CTPS1: variants seen among roughly 807,000 people sequenced by gnomAD.
CTPS1 encodes the protein CTP synthase 1.
In CTPS1, 25 loss-of-function variants were observed where a neutral mutation model predicts 80.5. That is an observed-to-expected ratio of 0.31 (90% CI 0.23 to 0.43). The LOEUF (loss-of-function observed/expected upper bound fraction) is 0.43, where lower values mean the gene tolerates loss of function less well. Ranked by LOEUF, CTPS1 falls within the 20% of genes least tolerant of loss-of-function variation. The probability of loss-of-function intolerance (pLI) is 1.00; values close to 1 mark genes in which losing one functional copy is unlikely to be tolerated. For missense variants in CTPS1, 442 were observed against 725.7 expected (o/e 0.61, Z 4.49); for synonymous variants, 267 against 252.5 (o/e 1.06, Z -0.54).
chr1:40,988,653 C>G lies in CTPS1; in HGVS notation c.498C>G (p.Phe166Leu). The G allele has an allele frequency of 6.2e-7, 1 of 1,614,096 alleles. No homozygotes were observed. The highest frequency in any genetic ancestry group is 8.5e-7 in the Non-Finnish European group (1 of 1,180,002). The part of the protein sequence containing the change: ...SMPFIEAFRQ[F>L]QFKVKRENFC... ...CCTTTATTGAGGCCTTCCGTCAGTTCCAATTCAAGGTCAAAAGAGAGAACT... is the reference window on the plus strand; with the variant it reads ...CCTTTATTGAGGCCTTCCGTCAGTTGCAATTCAAGGTCAAAAGAGAGAACT... The change falls in exon 5 of 19, where the codon TTC (phenylalanine) becomes TTG (leucine). Residue 166 changes from phenylalanine (F) to leucine (L), a missense_variant. This residue lies in a region of CTPS1 where 27 missense variants were observed against 83.6 expected (regional missense o/e 0.32). Transcript: ENST00000650070.
In CTPS1 at chr1:40,991,251, A is replaced by G. The variant is rs755056680; in HGVS notation, c.639+3A>G. The G allele has an allele frequency of 6.3e-7, 1 of 1,578,828 alleles. No homozygotes were observed. Among genetic ancestry groups the G allele is most frequent in the South Asian group, 1.2e-5 (1 of 84,330 alleles). On this transcript the variant is annotated splice_donor_region_variant and intron_variant, in intron 6 of 18. Transcript: ENST00000650070. ...GACTTGGGCTTTCCCCAGATCTGGT[A>G]AGATTTCCTGATAGCTGGTTGCAGT...
Position 40,987,486 on chromosome 1 carries a change from C to T in CTPS1, c.438+14C>T, listed in dbSNP as rs764010545. 3.8e-6 allele frequency: 6 copies of T among 1,560,772 alleles called. No individual in the cohort carries two copies. The South Asian group carries it at 6.7e-5, about 17-fold the overall frequency. ...TGTGTTATTGAGGTTTGTATGATTC[C>T]TGCACATGTGAACAAGTGTACTCAT... On this transcript the variant is annotated intron_variant, in intron 4 of 18. Coordinates refer to ENST00000650070, the MANE Select transcript of CTPS1 (RefSeq NM_001905.4).
intron 8 of CTPS1, among the ~76,000 whole-genome samples, chr1:40,996,798 T>C (rs1010188873): frequency 6.6e-6 from 1 of 152,250 alleles, no homozygotes; most frequent in East Asian, 1.9e-4. Context: ...TGCTCTGTTA[T>C]TATATTTTAC....
chr1:40,984,796 T>A (rs1231170652), intron 2 of CTPS1, 25 bp from the exon 3 acceptor site: 1 of 1,476,578 alleles, frequency 6.8e-7, no homozygotes, highest in Admixed American at 2.2e-5. Context: ...TCACTTAACG[T>A]AAATGGTTTC....
intron 4 of CTPS1, 139 bp downstream of exon 4, chr1:40,987,611 A>G (rs796988466): frequency 5.4e-6 from 3 of 555,408 alleles, no homozygotes; most frequent in Non-Finnish European, 9.4e-6. Context: ...AGGTAAGGGC[A>G]CAGTTAACAG....
intron 9 of CTPS1, 47 bp downstream of exon 9, chr1:40,997,573 G>A (rs2148406291): frequency 6.3e-7 from 1 of 1,598,310 alleles, no homozygotes; most frequent in Non-Finnish European, 8.5e-7. Context: ...CAGGGAAGCA[G>A]TCTGTAGTCT....
chr1:41,000,508 C>T (rs1285702578), intron 9 of CTPS1, among the ~76,000 whole-genome samples: 1 of 151,958 alleles, frequency 6.6e-6, no homozygotes, highest in Non-Finnish European at 1.5e-5. Context: ...CCGCCTCGGC[C>T]TTCCAAAGTG....
intron 1 of CTPS1, 89 bp from the exon 2 acceptor site, chr1:40,983,189 C>G: frequency 9.1e-7 from 1 of 1,094,148 alleles, no homozygotes; most frequent in Non-Finnish European, 1.3e-6. Flanking sequence ...GGGTTCATAG[C>G]TAATAATTGG....
chr1:41,001,949 A>G (rs1220576125), intron 10 of CTPS1, among the ~76,000 whole-genome samples: 5 of 152,250 alleles, frequency 3.3e-5, no homozygotes, highest in African/African-American at 1.2e-4. Flanking sequence ...TTCACTTGCA[A>G]TAAGCATGTT....
chr1:40,989,458 A>G (rs1558139645), intron 5 of CTPS1, among the ~76,000 whole-genome samples: 3 of 152,186 alleles, frequency 2.0e-5, no homozygotes, highest in African/African-American at 7.2e-5. Context: ...AGGAGGTTGT[A>G]AGATTGTCTT....
chr1:41,002,596 G>T (rs1459554324), intron 11 of CTPS1, among the ~76,000 whole-genome samples: 1 of 152,164 alleles, frequency 6.6e-6, no homozygotes, highest in Admixed American at 6.5e-5. Context: ...AAATGATTTT[G>T]CATGCCTCCT....
intron 10 of CTPS1, 64 bp downstream of exon 10, chr1:41,001,181 T>C: frequency 8.0e-7 from 1 of 1,245,216 alleles, no homozygotes; most frequent in Non-Finnish European, 1.1e-6. Context: ...GAAAAAGTCC[T>C]CTTGTTTTCA....
intron 1 of CTPS1, among the ~76,000 whole-genome samples, chr1:40,982,555 A>G (rs1642342331): frequency 6.6e-6 from 1 of 151,980 alleles, no homozygotes; most frequent in Admixed American, 6.6e-5. Context: ...ACAGCCGGCT[A>G]ATTTTTGTAT....
At chr1:40,981,821 C>A (rs907709526) in intron 1 of CTPS1, 3 of 319,708 alleles carry the variant, frequency 9.4e-6, no homozygotes, top group Admixed American at 4.6e-5. Context: ...GGGAAGACTT[C>A]TGAGCATTCT....
At chr1:41,000,987 G>A (rs1254709948) in intron 9 of CTPS1, 42 bp from the exon 10 acceptor site, 2 of 1,378,766 alleles carry the variant, frequency 1.5e-6, no homozygotes, top group Admixed American at 2.1e-5. Flanking sequence ...CACAGCCTGG[G>A]GTCACGAGCC....
chr1:40,981,300 T>C (rs1490080237), intron 1 of CTPS1: 1 of 152,178 alleles, frequency 6.6e-6, no homozygotes, highest in Non-Finnish European at 1.5e-5. Flanking sequence ...GGCATATGTA[T>C]TGCCAGGCAC....
chr1:40,994,108 A>G (rs976768046), intron 7 of CTPS1, among the ~76,000 whole-genome samples: 1 of 152,176 alleles, frequency 6.6e-6, no homozygotes, highest in Non-Finnish European at 1.5e-5. Context: ...CTTTTAGAGC[A>G]CAGACACTTT....
chr1:41,000,926 C>T (rs922346652), intron 9 of CTPS1, 103 bp from the exon 10 acceptor site: 2 of 660,932 alleles, frequency 3.0e-6, no homozygotes, highest in Non-Finnish European at 4.8e-6. Context: ...AAGCCAGAAT[C>T]AAGAAAGACA....
At chr1:40,996,233 C>G in intron 8 of CTPS1, 165 bp downstream of exon 8, 1 of 750,098 alleles carries the variant, frequency 1.3e-6, no homozygotes, top group Non-Finnish European at 2.1e-6. Context: ...TTAGCTGTCA[C>G]GTAGCTGTGG....
Sources: gnomAD v4.1 joint callset for allele counts (sites outside exome capture counted in the v4.1 genomes callset) on GRCh38, gnomAD v4.1.1 for gene constraint, gnomAD v4.1.1 regional missense constraint, MANE v1.5 for transcripts, NCBI Gene and HGNC (gene_info 2026-07-23, HGNC 2026-07-21) for gene names.